The following TMOD2 variants were observed in gnomAD, a reference collection of about 807,000 sequenced individuals.
TMOD2 encodes tropomodulin-2.
TMOD2 carries 22 observed loss-of-function variants against 39.9 expected under a neutral mutation model. The ratio of observed to expected loss-of-function variants is 0.55; its 90% CI spans 0.39 to 0.79. The LOEUF is 0.79. Among genes scored for constraint, TMOD2 ranks in the 30% least tolerant of loss-of-function variants. TMOD2 has a pLI of 0.00. For missense variants in TMOD2, 386 were observed against 413.3 expected (o/e 0.93, Z 0.57); for synonymous variants, 123 against 146.1 (o/e 0.84, Z 1.14).
Position 51,779,872 on chromosome 15 carries a change from G to T in TMOD2, c.494-1172G>T, listed in dbSNP as rs547160871. 1.1e-4 allele frequency among the ~76,000 whole-genome samples: 17 copies of T among 152,164 alleles called. No individual in the cohort carries two copies. The East Asian group carries it at 2.5e-3, about 22-fold the overall frequency. On this transcript the variant is annotated intron_variant, in intron 5 of 9. Transcript: ENST00000249700. ...ATTTTTAAAATTTATTGTAGAGGCT[G>T]GGTCTCACTGTGTTGCCCAGCCTGG...
At chr15:51,804,902 T>G (rs1324258536) in intron 8 of TMOD2, among the ~76,000 whole-genome samples, 2 of 151,964 alleles carry the variant, frequency 1.3e-5, no homozygotes, top group Non-Finnish European at 2.9e-5. Context: ...GACTGTGTTA[T>G]GAAAAAATAT....
intron 6 of TMOD2, among the ~76,000 whole-genome samples, chr15:51,782,451 T>A (rs1427408659): frequency 6.6e-6 from 1 of 152,138 alleles, no homozygotes. Context: ...AAGAGGGAAG[T>A]ATAGTATCTG....
chr15:51,815,838 A>G lies in TMOD2; in HGVS notation c.*7384A>G, dbSNP rs1230447353. ...AATCTGTAACATTTTACCAGTTCAG[A>G]TGCCTGTAATGTGTGACTTTATGTG... is the stretch of plus-strand genomic sequence containing the variant. On this transcript the variant is annotated 3_prime_UTR_variant, in exon 10 of 10. Coordinates refer to ENST00000249700, the MANE Select transcript of TMOD2 (RefSeq NM_014548.4). The G allele has an allele frequency of 6.6e-6, 1 of 152,220 alleles. No individual in the cohort carries two copies. Among genetic ancestry groups the G allele is most frequent in the East Asian group, 1.9e-4 (1 of 5,204 alleles). The allele number at this position is 152,220 out of a possible 1,614,324, so 9.4% of individuals were successfully genotyped here.
chr15:51,757,297 G>A (rs762635965), intron 1 of TMOD2, among the ~76,000 whole-genome samples: 1 of 151,602 alleles, frequency 6.6e-6, no homozygotes, highest in Non-Finnish European at 1.5e-5. Context: ...AGCTTCTCGG[G>A]AGGCTGAGGC....
chr15:51,773,745 A>C lies in TMOD2; in HGVS notation c.317A>C (p.Glu106Ala), dbSNP rs754543953. The change falls in exon 4 of 10, where the codon GAA becomes GCA. Residue 106 changes from glutamate (E) to alanine (A), a missense_variant. Glu to Ala is a moderately radical substitution (Grantham distance 107, BLOSUM62 -1). Coordinates refer to ENST00000249700, the MANE Select transcript of TMOD2 (RefSeq NM_014548.4). ...TTTATCCCTAAAGAAAAGCCTATAG[A>C]AACTCGTAAAGAAGAAAAAGTGACC... ...RVFIPKEKPI[E>A]TRKEEKVTLD... The C allele has an allele frequency of 6.2e-7, 1 of 1,612,708 alleles. No homozygotes were observed. Among genetic ancestry groups the C allele is most frequent in the East Asian group, 2.2e-5 (1 of 44,868 alleles).
At chr15:51,753,153 T>C (rs143725286) in intron 1 of TMOD2, among the ~76,000 whole-genome samples, 1 of 151,842 alleles carries the variant, frequency 6.6e-6, no homozygotes, top group Non-Finnish European at 1.5e-5. Flanking sequence ...ATAGAAGGAA[T>C]GAGAGAATCA....
chr15:51,756,636 G>C (rs191505991), intron 1 of TMOD2, among the ~76,000 whole-genome samples: 3 of 152,170 alleles, frequency 2.0e-5, no homozygotes, highest in Non-Finnish European at 4.4e-5. Context: ...TCACTAGTGG[G>C]CACCTTGTTT....
chr15:51,768,275 C>T lies in TMOD2; in HGVS notation c.140C>T (p.Pro47Leu), dbSNP rs1306192724. 2 of 1,614,136 alleles carry T rather than the reference C, an allele frequency of 1.2e-6. No individual in the cohort carries two copies. Among genetic ancestry groups the T allele is most frequent in the East Asian group, 2.2e-5 (1 of 44,880 alleles). Reference sequence around the variant, plus strand: ...CTTTCTTGTCAGAGTGCCATGCTGCCAGCTGGATTTCGACAGAAAGACCAG... The same window carrying T: ...CTTTCTTGTCAGAGTGCCATGCTGCTAGCTGGATTTCGACAGAAAGACCAG... The part of the protein sequence containing the change: ...DDLDPESAML[P>L]AGFRQKDQTQ... Residue 47 changes from proline (P) to leucine (L), a missense_variant, in exon 3 of 10, where the codon CCA (proline) becomes CTA (leucine). Transcript: ENST00000249700.
intron 1 of TMOD2, among the ~76,000 whole-genome samples, chr15:51,765,071 C>T (rs959428802): frequency 1.3e-5 from 2 of 151,950 alleles, no homozygotes; most frequent in Non-Finnish European, 2.9e-5. Flanking sequence ...GATGCCATCT[C>T]AGCACTGCAA....
chr15:51,792,772 C>T (rs2056021328), intron 7 of TMOD2, among the ~76,000 whole-genome samples: 1 of 152,092 alleles, frequency 6.6e-6, no homozygotes, highest in Non-Finnish European at 1.5e-5. Flanking sequence ...GATCAGAAAA[C>T]CAAACACCGC....
At chr15:51,762,303 A>G (rs1340764317) in intron 1 of TMOD2, among the ~76,000 whole-genome samples, 1 of 151,594 alleles carries the variant, frequency 6.6e-6, no homozygotes, top group Non-Finnish European at 1.5e-5. Flanking sequence ...CAAAAAATAA[A>G]AAAAAAATAG....
chr15:51,773,808 C>T lies in TMOD2; in HGVS notation c.380C>T (p.Ser127Phe). 1 of 1,612,416 alleles carries T rather than the reference C, an allele frequency of 6.2e-7. No individual in the cohort carries two copies. The highest frequency in any genetic ancestry group is 1.1e-5 in the South Asian group (1 of 90,832). ...CTGGAAGAAGCTTTGGCCAGTGCCT[C>T]TGACACCGAACTCTATGATCTTGCA... ...PELEEALASA[S>F]DTELYDLAAV... Residue 127 changes from serine to phenylalanine, a missense_variant, in exon 4 of 10, where the codon TCT (serine) becomes TTT (phenylalanine). Physicochemically the swap from Ser to Phe is radical, Grantham distance 155. Coordinates refer to ENST00000249700, the MANE Select transcript of TMOD2 (RefSeq NM_014548.4).
At chr15:51,778,963 T>G (rs772718773) in intron 5 of TMOD2, among the ~76,000 whole-genome samples, 6 of 151,992 alleles carry the variant, frequency 3.9e-5, no homozygotes, top group Non-Finnish European at 7.4e-5. Flanking sequence ...GCAATATTCC[T>G]TTTATTTTTT....
At chr15:51,769,779 A>G (rs2055841062) in intron 3 of TMOD2, among the ~76,000 whole-genome samples, 1 of 152,178 alleles carries the variant, frequency 6.6e-6, no homozygotes, top group Non-Finnish European at 1.5e-5. Flanking sequence ...TCACACCTGT[A>G]ATTTCTGCAC....
chr15:51,781,032 CT>C lies in TMOD2; in HGVS notation c.494-10del. 1 of 1,572,128 alleles carries C rather than the reference CT, an allele frequency of 6.4e-7. No homozygotes were observed. The highest frequency in any genetic ancestry group is 8.6e-7 in the Non-Finnish European group (1 of 1,163,612). ...GACTTTGCATTTTTTAAAATGAAAA[CT>C]TGTGTTTTAGATGTTGTCAAAGGTG... On this transcript the variant is annotated splice_polypyrimidine_tract_variant and intron_variant, in intron 5 of 9. Transcript: ENST00000249700.
chr15:51,794,513 G>A (rs1032474691), intron 7 of TMOD2, among the ~76,000 whole-genome samples: 3 of 152,012 alleles, frequency 2.0e-5, no homozygotes, highest in African/African-American at 4.8e-5. Flanking sequence ...CCAGGAGTTC[G>A]AGACCAGCCT....
chr15:51,788,355 A>G (rs889612358), intron 7 of TMOD2, among the ~76,000 whole-genome samples: 8 of 152,240 alleles, frequency 5.3e-5, no homozygotes, highest in African/African-American at 1.4e-4. Context: ...CAAAGCCTCC[A>G]AGAAATATGG....
chr15:51,787,710 G>A (rs1266577213), intron 7 of TMOD2, among the ~76,000 whole-genome samples: 1 of 152,198 alleles, frequency 6.6e-6, no homozygotes, highest in Non-Finnish European at 1.5e-5. Flanking sequence ...TGATACCCAG[G>A]AAAACAGGGT....
chr15:51,769,122 C>T (rs932346237), intron 3 of TMOD2, among the ~76,000 whole-genome samples: 2 of 152,194 alleles, frequency 1.3e-5, no homozygotes, highest in African/African-American at 4.8e-5. Flanking sequence ...AAAAAAGAAA[C>T]ACGATCAAAT....
Sources: gnomAD v4.1 joint callset for allele counts (sites outside exome capture counted in the v4.1 genomes callset) on GRCh38, gnomAD v4.1.1 for gene constraint, MANE v1.5 for transcripts, NCBI Gene and HGNC (gene_info 2026-07-23, HGNC 2026-07-21) for gene names.